RASGRP3: variants seen among roughly 807,000 people sequenced by gnomAD.
The protein encoded by RASGRP3 is ras guanyl-releasing protein 3.
In RASGRP3, 54 loss-of-function variants were observed where a neutral mutation model predicts 82.7. The observed-to-expected ratio is 0.65, with a 90% confidence interval of 0.52 to 0.82. The LOEUF (loss-of-function observed/expected upper bound fraction) is 0.82. Ranked by LOEUF, RASGRP3 falls within the 40% of genes least tolerant of loss-of-function variation. The pLI, the probability that RASGRP3 is intolerant of heterozygous loss-of-function variation, is 0.00. For missense variants in RASGRP3, 861 were observed against 828.9 expected (o/e 1.04, Z -0.48); for synonymous variants, 309 against 300.5 (o/e 1.03, Z -0.29).
At chr2:33,474,681 T>G (rs1667254071), upstream of RASGRP3, among the ~76,000 whole-genome samples, 1 of 152,174 alleles carries the variant, frequency 6.6e-6, no homozygotes, top group African/African-American at 2.4e-5. Flanking sequence ...ATGTGACTCA[T>G]CTGCTCCCAC....
chr2:33,564,424 T>A lies in RASGRP3; in HGVS notation c.*1687T>A, dbSNP rs946353879. The stretch of plus-strand genomic sequence containing the variant: ...GAAGGCAGCCATCCCTAGATGTTGG[T>A]TTCATGTATATTACACTATCTACTA... On this transcript the variant is annotated 3_prime_UTR_variant, in exon 18 of 18. Transcript: ENST00000403687. 1 of 152,216 alleles carries A rather than the reference T, an allele frequency of 6.6e-6. No individual in the cohort carries two copies. The highest frequency in any genetic ancestry group is 1.5e-5 in the Non-Finnish European group (1 of 68,050). 9.4% of individuals were successfully genotyped at this position (152,216 alleles called of 1,614,324 possible). A position where few individuals can be genotyped will look rare whatever the true frequency, so the allele number is the denominator to read the frequency against.
chr2:33,469,421 T>C (rs1220288688), intron 2 of RASGRP3, among the ~76,000 whole-genome samples: 1 of 152,106 alleles, frequency 6.6e-6, no homozygotes, highest in Non-Finnish European at 1.5e-5. Flanking sequence ...AATTTTAAGA[T>C]TATAAAACCA....
chr2:33,484,773 A>C (rs1668225706), intron 1 of RASGRP3, among the ~76,000 whole-genome samples: 1 of 152,224 alleles, frequency 6.6e-6, no homozygotes, highest in African/African-American at 2.4e-5. Context: ...GAGAAAAATA[A>C]ATTTTAGAGA....
At chr2:33,487,176 G>C (rs1363456051) in intron 1 of RASGRP3, among the ~76,000 whole-genome samples, 1 of 152,040 alleles carries the variant, frequency 6.6e-6, no homozygotes, top group Non-Finnish European at 1.5e-5. Context: ...CTCTTAAAAA[G>C]TTCACAACGT....
chr2:33,523,792 T>C, intron 7 of RASGRP3, 87 bp from the exon 8 acceptor site: 2 of 1,276,498 alleles, frequency 1.6e-6, no homozygotes, highest in Non-Finnish European at 2.2e-6. Context: ...TACGAAACAA[T>C]ATCTCACCTT....
In RASGRP3 at chr2:33,515,097, C is replaced by T; in HGVS notation, c.-40C>T. The T allele has an allele frequency of 1.3e-6, 2 of 1,593,104 alleles. No homozygotes were observed. The highest frequency in any genetic ancestry group is 1.7e-6 in the Non-Finnish European group (2 of 1,160,980). On this transcript the variant is annotated 5_prime_UTR_variant, in exon 3 of 18. Transcript: ENST00000403687. ...GATTATGGAGATGGTCTATCTGATG[C>T]TGAAAATGTCTCTAGTTTTTTGACA...
At chr2:33,484,460 A>C (rs1668189928) in intron 1 of RASGRP3, among the ~76,000 whole-genome samples, 1 of 152,232 alleles carries the variant, frequency 6.6e-6, no homozygotes, top group Non-Finnish European at 1.5e-5. Flanking sequence ...GTTTTTTAAA[A>C]GTAGAAAGTA....
At chr2:33,438,641 A>G (rs1574205737) in intron 1 of RASGRP3, among the ~76,000 whole-genome samples, 1 of 152,100 alleles carries the variant, frequency 6.6e-6, no homozygotes, top group East Asian at 1.9e-4. Context: ...TAATAGTTCT[A>G]CGGTAGTTCT....
chr2:33,489,808 A>G (rs964505088), intron 1 of RASGRP3, among the ~76,000 whole-genome samples: 3 of 152,214 alleles, frequency 2.0e-5, no homozygotes, highest in African/African-American at 7.2e-5. Context: ...ATGTGCTGGG[A>G]TTACAGGTGT....
chr2:33,557,145 C>T (rs13408768), intron 15 of RASGRP3, among the ~76,000 whole-genome samples: 6,419 of 152,154 alleles, frequency 0.042, 458 homozygotes, highest in African/African-American at 0.15. Flanking sequence ...TTCAATGATT[C>T]TCAGTGAAGT....
intron 13 of RASGRP3, among the ~76,000 whole-genome samples, chr2:33,548,775 C>T (rs1008417373): frequency 2.6e-5 from 4 of 151,346 alleles, no homozygotes; most frequent in East Asian, 2.0e-4. Flanking sequence ...GGTGTGATCT[C>T]GGCTCACTGC....
At chr2:33,496,469 C>T (rs1371286610) in intron 1 of RASGRP3, among the ~76,000 whole-genome samples, 2 of 152,182 alleles carry the variant, frequency 1.3e-5, no homozygotes, top group African/African-American at 4.8e-5. Context: ...ATAAAGAATT[C>T]ATTAGAATGT....
At chr2:33,450,314 G>A (rs1665719874) in intron 2 of RASGRP3, among the ~76,000 whole-genome samples, 1 of 152,086 alleles carries the variant, frequency 6.6e-6, no homozygotes, top group Admixed American at 6.6e-5. Context: ...TAGTCATTAT[G>A]CTGTACAACA....
intron 1 of RASGRP3, among the ~76,000 whole-genome samples, chr2:33,493,325 C>G (rs1224350142): frequency 2.0e-5 from 3 of 152,124 alleles, no homozygotes; most frequent in African/African-American, 7.2e-5. Flanking sequence ...CTGGGGACAA[C>G]AACAGTGAGA....
At chr2:33,460,764 C>A (rs949621129) in intron 2 of RASGRP3, among the ~76,000 whole-genome samples, 1 of 152,110 alleles carries the variant, frequency 6.6e-6, no homozygotes, top group Non-Finnish European at 1.5e-5. Flanking sequence ...ATCAGCCTGC[C>A]TCAGCCTCCC....
At chr2:33,502,339 A>G (rs952507163) in intron 1 of RASGRP3, among the ~76,000 whole-genome samples, 1 of 151,948 alleles carries the variant, frequency 6.6e-6, no homozygotes, top group Admixed American at 6.6e-5. Context: ...TTCACATGGT[A>G]GGTCAAGGGA....
intron 2 of RASGRP3, among the ~76,000 whole-genome samples, chr2:33,468,974 T>C: frequency 6.6e-6 from 1 of 152,198 alleles, no homozygotes. Context: ...ATATTCTTTC[T>C]GGTAGAGTAT....
At chr2:33,545,902 T>A (rs568305189) in intron 13 of RASGRP3, among the ~76,000 whole-genome samples, 1 of 152,256 alleles carries the variant, frequency 6.6e-6, no homozygotes, top group African/African-American at 2.4e-5. Context: ...CCTCCTGGGT[T>A]CAAGTGATTC....
chr2:33,536,525 T>G (rs922394186), intron 11 of RASGRP3, among the ~76,000 whole-genome samples: 1 of 152,064 alleles, frequency 6.6e-6, no homozygotes, highest in Non-Finnish European at 1.5e-5. Flanking sequence ...GCCTGCCTTG[T>G]GTGCCTTTAG....
Sources: gnomAD v4.1 joint callset for allele counts (sites outside exome capture counted in the v4.1 genomes callset) on GRCh38, gnomAD v4.1.1 for gene constraint, MANE v1.5 for transcripts, NCBI Gene and HGNC (gene_info 2026-07-23, HGNC 2026-07-21) for gene names.